ZNF630: variants seen among roughly 807,000 people sequenced by gnomAD.
ZNF630 encodes dJ54B20.2 (novel KRAB box containing C2H2 type zinc finger protein).
Under a neutral mutation model 7.2 loss-of-function variants are expected in ZNF630, and 5 were observed. The observed-to-expected ratio is 0.70, with a 90% CI of 0.36 to 1.46. ZNF630 has a LOEUF of 1.46. Ranked by LOEUF, ZNF630 falls within the 40% of genes most tolerant of loss-of-function variation. ZNF630 has a pLI of 0.03. For synonymous variants in ZNF630, 158 were observed against 162.8 expected, an observed-to-expected ratio of 0.97 and a Z score of 0.23; for missense variants, 461 against 477.0, an observed-to-expected ratio of 0.97 and a Z score of 0.31.
chrX:48,057,924 T>C lies in ZNF630; in HGVS notation c.*544A>G, dbSNP rs2059077367. ...TACAAAAATTAGCCGGGCCTGGTGG[T>C]GCATGCCTATAATCCCAGCTACTCG... On this transcript the variant is annotated 3_prime_UTR_variant, in exon 5 of 5. Coordinates refer to ENST00000276054, the MANE Select transcript of ZNF630 (RefSeq NM_001282201.2). Among the ~76,000 whole-genome samples the C allele has an allele frequency of 9.1e-6, 1 of 109,525 alleles. No individual in the cohort carries two copies. The highest frequency in any genetic ancestry group is 1.9e-5 in the Non-Finnish European group (1 of 52,650).
chrX:48,065,432 T>C (rs1490004948), intron 2 of ZNF630, among the ~76,000 whole-genome samples: 5 of 59,334 alleles, frequency 8.4e-5, no homozygotes, highest in Non-Finnish European at 1.7e-4. Context: ...TGAAACCCGG[T>C]CTCAAAAAAA....
In ZNF630 at chrX:48,059,654, T is replaced by C. The variant is rs1556908717; in HGVS notation, c.788A>G (p.Asn263Ser). ...GGCTTTCCCACACATACTACAAACA[T>C]TGGGTTTCTCTCTGGCTTGAAATTT... ...YKKFQAREKP[N>S]VCSMCGKAFI... is the part of the protein sequence containing the mutation. Residue 263 changes from asparagine to serine, a missense_variant, in exon 5 of 5, where the codon AAT becomes AGT. By Grantham distance (46) the Asn-to-Ser change is conservative (BLOSUM62 1). Transcript: ENST00000276054. 3 of 1,208,512 alleles carry C rather than the reference T, an allele frequency of 2.5e-6. No individual in the cohort carries two copies. The Admixed American group carries it at 6.5e-5, about 26-fold the overall frequency.
chrX:48,060,908 G>C lies in ZNF630; in HGVS notation c.53C>G (p.Thr18Arg). Residue 18 changes from threonine to arginine, a missense_variant, in exon 3 of 5, where the codon ACG becomes AGG. Thr to Arg is a moderately conservative substitution (Grantham distance 71). Coordinates refer to ENST00000276054, the MANE Select transcript of ZNF630 (RefSeq NM_001282201.2). ...VTFEDVAVDFTQEEWQQLNPA... is the reference protein window; with the variant it reads ...VTFEDVAVDFRQEEWQQLNPA... Reference sequence around the variant, plus strand: ...ATTCAACTGCTGCCACTCTTCCTGCGTGAAGTCCACAGCCACATCCTCAAA... The same window carrying C: ...ATTCAACTGCTGCCACTCTTCCTGCCTGAAGTCCACAGCCACATCCTCAAA... 1 of 1,204,762 alleles carries C rather than the reference G, an allele frequency of 8.3e-7. No individual in the cohort carries two copies. The highest frequency in any genetic ancestry group is 1.8e-5 in the South Asian group (1 of 56,236).
At chrX:48,063,705 T>C (rs568961805) in intron 2 of ZNF630, among the ~76,000 whole-genome samples, 2 of 110,541 alleles carry the variant, frequency 1.8e-5, no homozygotes, top group Admixed American at 1.9e-4. Flanking sequence ...CTGCCCAACA[T>C]GGTGAAACCC....
At chrX:48,065,266 C>T (rs2059124663) in intron 2 of ZNF630, among the ~76,000 whole-genome samples, 1 of 110,148 alleles carries the variant, frequency 9.1e-6, no homozygotes, top group Non-Finnish European at 1.9e-5. Context: ...CTTTGGGAGG[C>T]CGAGGTGGGT....
intron 4 of ZNF630, 106 bp from the exon 5 acceptor site, chrX:48,060,309 G>A: frequency 1.0e-6 from 1 of 985,943 alleles, no homozygotes; most frequent in Non-Finnish European, 1.4e-6. Context: ...AATGAACAGA[G>A]GTACTAGGAA....
intron 2 of ZNF630, among the ~76,000 whole-genome samples, chrX:48,061,615 G>C (rs1327249236): frequency 4.5e-5 from 5 of 111,909 alleles, no homozygotes; most frequent in African/African-American, 1.6e-4. Context: ...ATCTCATTTT[G>C]AATTGCAATC....
intron 2 of ZNF630, among the ~76,000 whole-genome samples, chrX:48,064,032 A>C (rs1484361620): frequency 2.7e-5 from 3 of 111,404 alleles, no homozygotes; most frequent in Non-Finnish European, 3.8e-5. Context: ...TGGTTGTTTT[A>C]TTTGTGACTT....
chrX:48,060,264 CACACACACACACACACACACACAA>C (rs2059098450), intron 4 of ZNF630, 61 bp from the exon 5 acceptor site: 41 of 890,725 alleles, frequency 4.6e-5, no homozygotes, highest in Non-Finnish European at 6.1e-5. Flanking sequence ...CACACACACA[CACACACACACACACACACACACAA>C]AACAGTTGGC....
intron 2 of ZNF630, among the ~76,000 whole-genome samples, chrX:48,063,453 A>G (rs1556909548): frequency 9.0e-6 from 1 of 111,450 alleles, no homozygotes; most frequent in African/African-American, 3.3e-5. Flanking sequence ...AATGAGATAT[A>G]ATGCTTAATC....
chrX:48,069,097 C>T (rs782487257), intron 1 of ZNF630, among the ~76,000 whole-genome samples: 1 of 109,641 alleles, frequency 9.1e-6, no homozygotes, highest in Non-Finnish European at 1.9e-5. Flanking sequence ...CAAAATTAGC[C>T]GGGCGTGGTG....
intron 1 of ZNF630, among the ~76,000 whole-genome samples, chrX:48,067,546 G>A (rs1055317951): frequency 2.7e-5 from 3 of 111,893 alleles, no homozygotes; most frequent in African/African-American, 9.8e-5. Flanking sequence ...GGGTGCGGTG[G>A]GCCAGCACGT....
chrX:48,069,850 T>TTTG (rs1264111119), intron 1 of ZNF630, among the ~76,000 whole-genome samples: 5 of 61,525 alleles, frequency 8.1e-5, no homozygotes, highest in Admixed American at 2.4e-4. Context: ...TGTTTTTTTT[T>TTTG]TTTTTGTTTT....
Position 48,071,378 on chromosome X carries a change from G to C in ZNF630, c.-287C>G, listed in dbSNP as rs1556911026. The C allele has an allele frequency of 9.0e-6, 1 of 110,843 alleles. No individual in the cohort carries two copies. Among genetic ancestry groups the C allele is most frequent in the African/African-American group, 3.3e-5 (1 of 30,335 alleles). 9.1% of individuals were successfully genotyped at this position (110,843 alleles called of 1,213,427 possible). A position where few individuals can be genotyped will look rare whatever the true frequency, so the allele number is the denominator to read the frequency against. On this transcript the variant is annotated 5_prime_UTR_variant, in exon 1 of 5. Coordinates refer to ENST00000276054, the MANE Select transcript of ZNF630 (RefSeq NM_001282201.2). ...TCCCGGAGAGATGTCAGGGTGACGA[G>C]GGAGCTTATCTTTCGGTGGCTCCGA...
chrX:48,069,850 T>TG (rs2059151295), intron 1 of ZNF630, among the ~76,000 whole-genome samples: 5 of 61,500 alleles, frequency 8.1e-5, no homozygotes, highest in Admixed American at 2.4e-4. Flanking sequence ...TGTTTTTTTT[T>TG]TTTTTGTTTT....
chrX:48,062,631 G>A (rs1366594825), intron 2 of ZNF630, among the ~76,000 whole-genome samples: 2 of 111,642 alleles, frequency 1.8e-5, no homozygotes, highest in African/African-American at 3.3e-5. Context: ...CTACTCAGGC[G>A]GCTGAGGCAG....
intron 1 of ZNF630, among the ~76,000 whole-genome samples, chrX:48,068,476 C>G (rs1433669794): frequency 1.8e-5 from 2 of 112,002 alleles, no homozygotes; most frequent in Non-Finnish European, 3.8e-5. Flanking sequence ...CTAGACAATA[C>G]ATAAACTAAA....
In ZNF630 at chrX:48,069,851, T is replaced by G. The variant is rs74780163; in HGVS notation, c.-176+1416A>C. Among the ~76,000 whole-genome samples, 111 of 62,513 alleles carry G rather than the reference T, an allele frequency of 1.8e-3. 2 individuals are homozygous for G. The highest frequency in any genetic ancestry group is 5.5e-3 in the African/African-American group (109 of 19,705). 54.3% of individuals were successfully genotyped at this position (62,513 alleles called of 115,157 possible). A position where few individuals can be genotyped will look rare whatever the true frequency, so the allele number is the denominator to read the frequency against. On this transcript the variant is annotated intron_variant, in intron 1 of 4. Transcript: ENST00000276054. The stretch of plus-strand genomic sequence containing the variant: ...CACAGGACATTGTCTGTTTTTTTTT[T>G]TTTTGTTTTTTGTTTTTTGTTTTTG...
rs61744784 is a variant in ZNF630 at position 48,059,490 on chromosome X, G to A, written c.952C>T (p.Pro318Ser). Residue 318 changes from proline (P) to serine (S), a missense_variant, in exon 5 of 5, where the codon CCC (proline) becomes TCC (serine). Transcript: ENST00000276054. ...CTTCCATACTTAGTACATTCATAGG[G>A]TTTCTCCCCAGTATGAATCCTCTGA... is the stretch of plus-strand genomic sequence containing the variant. ...VHQRIHTGEK[P>S]YECTKYGRAF... 668 of 1,206,407 alleles carry A rather than the reference G, an allele frequency of 5.5e-4. 14 individuals carry two copies. In the African/African-American group the frequency reaches 0.01, roughly 19 times the overall value.
Sources: allele counts gnomAD v4.1 joint callset (sites outside exome capture counted in the v4.1 genomes callset), GRCh38; gene constraint gnomAD v4.1.1; transcripts MANE v1.5; gene names NCBI Gene and HGNC (gene_info 2026-07-23, HGNC 2026-07-21).